The following LRBA variants were observed in gnomAD, a reference collection of about 807,000 sequenced individuals.
LRBA encodes LPS responsive beige-like anchor protein.
In LRBA, 176 loss-of-function variants were observed where a neutral mutation model predicts 330.0. The ratio of observed to expected loss-of-function variants is 0.53; its 90% CI spans 0.47 to 0.60. The LOEUF (loss-of-function observed/expected upper bound fraction) is 0.60, where lower values mean the gene tolerates loss of function less well. Among genes scored for constraint, LRBA ranks in the 20% least tolerant of loss-of-function variants. LRBA has a pLI of 0.00. For synonymous variants in LRBA, 1,230 were observed against 1,193.0 expected, an observed-to-expected ratio of 1.03 and a Z score of -0.64; for missense variants, 3,259 against 3,444.8, an observed-to-expected ratio of 0.95 and a Z score of 1.35.
chr4:150,418,346 C>A (rs1403583848), intron 46 of LRBA, among the ~76,000 whole-genome samples: 1 of 152,072 alleles, frequency 6.6e-6, no homozygotes, highest in Non-Finnish European at 1.5e-5. Context: ...ATATTGACAC[C>A]TTAACCTAAA....
chr4:150,881,164 C>A (rs951654811), intron 17 of LRBA, among the ~76,000 whole-genome samples: 1 of 152,076 alleles, frequency 6.6e-6, no homozygotes, highest in Admixed American at 6.6e-5. Context: ...ATTTTATTAC[C>A]GGGTACATAT....
chr4:150,298,811 T>G (rs1023858949), intron 53 of LRBA, among the ~76,000 whole-genome samples: 3 of 151,914 alleles, frequency 2.0e-5, no homozygotes, highest in African/African-American at 7.2e-5. Context: ...GAATGGAAAA[T>G]GTATTACTGA....
intron 31 of LRBA, among the ~76,000 whole-genome samples, chr4:150,815,617 G>A (rs1031220305): frequency 9.2e-5 from 14 of 151,744 alleles, no homozygotes; most frequent in Non-Finnish European, 4.4e-5. Context: ...TACCATCGCA[G>A]CTTTTGGTTT....
At chr4:150,559,577 T>C (rs2152266252) in intron 40 of LRBA, among the ~76,000 whole-genome samples, 1 of 120,526 alleles carries the variant, frequency 8.3e-6, no homozygotes, top group African/African-American at 3.2e-5. Context: ...AATATATAAA[T>C]ATATAAATAT....
chr4:150,815,264 T>C (rs1417221142), intron 31 of LRBA, among the ~76,000 whole-genome samples: 1 of 151,796 alleles, frequency 6.6e-6, no homozygotes, highest in African/African-American at 2.4e-5. Flanking sequence ...GTTGATTCTT[T>C]TTTTTTAAAG....
intron 53 of LRBA, among the ~76,000 whole-genome samples, chr4:150,286,320 T>C (rs1748124951): frequency 6.6e-6 from 1 of 152,190 alleles, no homozygotes; most frequent in African/African-American, 2.4e-5. Flanking sequence ...TCATAAAAAA[T>C]CAGCCCCTCA....
At chr4:150,545,114 T>G (rs549069488) in intron 40 of LRBA, among the ~76,000 whole-genome samples, 94 of 152,292 alleles carry the variant, frequency 6.2e-4, no homozygotes, top group African/African-American at 2.2e-3. Flanking sequence ...AATAAAATTA[T>G]GCTCATGAAA....
chr4:150,878,506 T>G (rs1197770344), intron 17 of LRBA, among the ~76,000 whole-genome samples: 1 of 149,530 alleles, frequency 6.7e-6, no homozygotes, highest in African/African-American at 2.5e-5. Flanking sequence ...AGAGCAGAAC[T>G]AAACAAAACT....
At chr4:150,966,533 A>C (rs1738914927) in intron 2 of LRBA, among the ~76,000 whole-genome samples, 1 of 125,856 alleles carries the variant, frequency 7.9e-6, no homozygotes, top group Admixed American at 9.0e-5. Context: ...TCACCATGTT[A>C]GCCAGGATGA....
intron 40 of LRBA, among the ~76,000 whole-genome samples, chr4:150,531,217 A>G (rs1349188021): frequency 6.6e-6 from 1 of 152,228 alleles, no homozygotes; most frequent in Non-Finnish European, 1.5e-5. Flanking sequence ...ATAATTCAGA[A>G]TGATTCTTAA....
At chr4:150,363,365 A>G (rs899846527) in intron 47 of LRBA, among the ~76,000 whole-genome samples, 41 of 152,030 alleles carry the variant, frequency 2.7e-4, no homozygotes, top group African/African-American at 9.7e-4. Context: ...TGGTCCCAGA[A>G]TATATATTTA....
intron 34 of LRBA, among the ~76,000 whole-genome samples, chr4:150,768,603 T>A (rs1200408904): frequency 6.6e-6 from 1 of 152,168 alleles, no homozygotes; most frequent in African/African-American, 2.4e-5. Flanking sequence ...GAAGCTAGGA[T>A]AAAAGGTAAT....
chr4:150,474,156 G>A (rs959266447), intron 42 of LRBA, among the ~76,000 whole-genome samples: 1 of 152,012 alleles, frequency 6.6e-6, no homozygotes, highest in African/African-American at 2.4e-5. Context: ...TTTTTTGACT[G>A]GTATGTGGTA....
At chr4:150,733,956 T>A (rs1277580221) in intron 36 of LRBA, among the ~76,000 whole-genome samples, 1 of 152,114 alleles carries the variant, frequency 6.6e-6, no homozygotes, top group East Asian at 1.9e-4. Flanking sequence ...AAAGTAATCT[T>A]CTTTCTTTCT....
chr4:150,737,893 C>T (rs1180930554), intron 35 of LRBA, among the ~76,000 whole-genome samples: 1 of 152,020 alleles, frequency 6.6e-6, no homozygotes, highest in Non-Finnish European at 1.5e-5. Context: ...CCCAAATGTG[C>T]CCTTCATTAC....
intron 40 of LRBA, among the ~76,000 whole-genome samples, chr4:150,568,004 T>A (rs908648895): frequency 6.6e-5 from 10 of 152,136 alleles, no homozygotes; most frequent in African/African-American, 1.7e-4. Flanking sequence ...AACTGAAGCA[T>A]CAGTTCAAAG....
At chr4:150,525,818 A>AG (rs1763405213) in intron 40 of LRBA, among the ~76,000 whole-genome samples, 1 of 152,162 alleles carries the variant, frequency 6.6e-6, no homozygotes, top group Non-Finnish European at 1.5e-5. Context: ...GTAGGCAAGG[A>AG]AAGCCGTTAC....
At position 150,897,787 on chromosome 4, in the gene LRBA, A is replaced by G; in HGVS notation, c.1956T>C (p.Leu652=). ...DGPRPNQKEM[L]SLRAFLLMFI... ...ACATCAACAAGAATGCTCGTAGAGA[A>G]AGCATTTCTTTTTGATTAGGTCGCG... The change falls in exon 15 of 57, where the codon CTT becomes CTC. Residue 652 remains leucine (L), a synonymous_variant. Coordinates refer to ENST00000651943, the MANE Select transcript of LRBA (RefSeq NM_001364905.1). The G allele has an allele frequency of 6.2e-7, 1 of 1,612,290 alleles. No homozygotes were observed. The highest frequency in any genetic ancestry group is 8.5e-7 in the Non-Finnish European group (1 of 1,178,772).
chr4:150,912,161 C>G (rs910727272), intron 9 of LRBA, among the ~76,000 whole-genome samples: 7 of 151,192 alleles, frequency 4.6e-5, no homozygotes, highest in Non-Finnish European at 1.0e-4. Flanking sequence ...TGATTTTTTT[C>G]TCACTGCTTT....
Sources: allele counts gnomAD v4.1 joint callset (sites outside exome capture counted in the v4.1 genomes callset), GRCh38; gene constraint gnomAD v4.1.1; transcripts MANE v1.5; gene names NCBI Gene and HGNC (gene_info 2026-07-23, HGNC 2026-07-21).